FHIT: variants seen among roughly 807,000 people sequenced by gnomAD.
FHIT encodes fragile histidine triad diadenosine triphosphatase.
In FHIT, 19 loss-of-function variants were observed where a neutral mutation model predicts 17.9. That is an observed-to-expected ratio of 1.06 (90% CI 0.74 to 1.56). The LOEUF (loss-of-function observed/expected upper bound fraction) is 1.56. FHIT is among the 40% of genes most tolerant of loss of function. The probability of loss-of-function intolerance (pLI) is 0.00; values close to 1 mark genes in which losing one functional copy is unlikely to be tolerated. For synonymous variants in FHIT, 81 were observed against 69.7 expected (o/e 1.16, Z -0.81); for missense variants, 248 against 189.2 (o/e 1.31, Z -1.82).
At chr3:60,271,882 T>A (rs1254531198) in intron 5 of FHIT, among the ~76,000 whole-genome samples, 2 of 152,206 alleles carry the variant, frequency 1.3e-5, no homozygotes, top group African/African-American at 4.8e-5. Flanking sequence ...TGACCATAAT[T>A]GTTAACATTT....
intron 3 of FHIT, among the ~76,000 whole-genome samples, chr3:60,852,563 T>C (rs868947427): frequency 2.3e-4 from 35 of 152,266 alleles, no homozygotes; most frequent in African/African-American, 8.4e-4. Flanking sequence ...AAGTATGTAA[T>C]ATTTTTTCAT....
chr3:59,830,522 G>A (rs1008647588), intron 8 of FHIT, among the ~76,000 whole-genome samples: 1 of 152,204 alleles, frequency 6.6e-6, no homozygotes, highest in African/African-American at 2.4e-5. Flanking sequence ...GATTCCAAAA[G>A]CAATCAGAGG....
chr3:61,053,987 A>C (rs1559944525), intron 2 of FHIT, among the ~76,000 whole-genome samples: 1 of 152,220 alleles, frequency 6.6e-6, no homozygotes, highest in Non-Finnish European at 1.5e-5. Context: ...GGAAAGGAGC[A>C]GCTGATGACA....
chr3:60,287,125 T>C (rs1707763366), intron 5 of FHIT, among the ~76,000 whole-genome samples: 1 of 152,140 alleles, frequency 6.6e-6, no homozygotes, highest in Non-Finnish European at 1.5e-5. Flanking sequence ...TGCAACAATA[T>C]CATCTCCCTA....
At chr3:60,329,745 C>T (rs1014023877) in intron 5 of FHIT, among the ~76,000 whole-genome samples, 1 of 152,176 alleles carries the variant, frequency 6.6e-6, no homozygotes, top group Non-Finnish European at 1.5e-5. Context: ...CTTGCTCTTA[C>T]CTCTATTCTA....
At chr3:60,459,233 G>T (rs2032309140) in intron 5 of FHIT, among the ~76,000 whole-genome samples, 3 of 152,082 alleles carry the variant, frequency 2.0e-5, no homozygotes, top group African/African-American at 4.8e-5. Context: ...ATATTTTAAG[G>T]GTTGAGCCAG....
At chr3:60,860,195 T>A (rs1703603752) in intron 3 of FHIT, among the ~76,000 whole-genome samples, 2 of 111,750 alleles carry the variant, frequency 1.8e-5, no homozygotes, top group Admixed American at 1.8e-4. Flanking sequence ...ATGAGATACA[T>A]CATATGTATA....
intron 3 of FHIT, among the ~76,000 whole-genome samples, chr3:60,823,027 T>C (rs1553739834): frequency 6.6e-6 from 1 of 152,214 alleles, no homozygotes; most frequent in Non-Finnish European, 1.5e-5. Context: ...TACATCATGT[T>C]ACATGGTCAG....
chr3:61,007,514 A>G (rs543865069), intron 3 of FHIT, among the ~76,000 whole-genome samples: 1 of 152,324 alleles, frequency 6.6e-6, no homozygotes, highest in Admixed American at 6.5e-5. Context: ...AACCTAAAAA[A>G]TATAATATAT....
Position 61,245,528 on chromosome 3 carries a change from C to A in FHIT, c.-213+5773G>T, listed in dbSNP as rs78621592. 5.2e-3 allele frequency among the ~76,000 whole-genome samples: 798 copies of A among 152,296 alleles called. 10 individuals are homozygous for A. The highest frequency in any genetic ancestry group is 0.018 in the African/African-American group (742 of 41,548). ...TGTTAGAAATACTGACTCTCTGATCCTTTCCAGGTCTTTAATTTAATCAGA... is the reference window on the plus strand; with the variant it reads ...TGTTAGAAATACTGACTCTCTGATCATTTCCAGGTCTTTAATTTAATCAGA... On this transcript the variant is annotated intron_variant, in intron 1 of 9. Transcript: ENST00000492590.
intron 5 of FHIT, among the ~76,000 whole-genome samples, chr3:60,024,773 T>G (rs9843313): frequency 0.028 from 4,240 of 152,338 alleles, 199 homozygotes; most frequent in African/African-American, 0.096. Context: ...TTGGTCTAAC[T>G]GGATCTTCAG....
intron 4 of FHIT, among the ~76,000 whole-genome samples, chr3:60,649,581 T>C (rs2039943889): frequency 6.6e-6 from 1 of 152,194 alleles, no homozygotes; most frequent in East Asian, 1.9e-4. Flanking sequence ...ATGGACATGA[T>C]ACGTGGTAAA....
chr3:59,754,844 T>A (rs1701123808), intron 8 of FHIT, among the ~76,000 whole-genome samples: 2 of 152,162 alleles, frequency 1.3e-5, no homozygotes, highest in Admixed American at 1.3e-4. Flanking sequence ...TTATGAGATT[T>A]CCCTCCTAAA....
chr3:60,655,211 T>C (rs980254916), intron 4 of FHIT, among the ~76,000 whole-genome samples: 10 of 152,176 alleles, frequency 6.6e-5, no homozygotes, highest in African/African-American at 2.4e-4. Context: ...TGATTGCATT[T>C]AGGGAGCTCA....
At chr3:60,381,800 T>C (rs1377017431) in intron 5 of FHIT, among the ~76,000 whole-genome samples, 2 of 137,196 alleles carry the variant, frequency 1.5e-5, no homozygotes, top group Admixed American at 8.1e-5. Flanking sequence ...CTTAATAGTG[T>C]GATGATAATG....
intron 5 of FHIT, among the ~76,000 whole-genome samples, chr3:60,275,273 G>T (rs1365194461): frequency 6.6e-6 from 1 of 151,384 alleles, no homozygotes; most frequent in East Asian, 1.9e-4. Flanking sequence ...TACTTAGCAA[G>T]GTCATCAGCT....
At position 61,045,183 on chromosome 3, in the gene FHIT, C is replaced by T. The variant is rs966935558; in HGVS notation, c.-163-3084G>A. ...AAATGCTCCAATTAAAAGACACAGA[C>T]TGGCAAATTGGGTAAAGAGTCAAGA... On this transcript the variant is annotated intron_variant, in intron 2 of 9. Transcript: ENST00000492590. Among the ~76,000 whole-genome samples the T allele has an allele frequency of 9.2e-4, 140 of 152,294 alleles. 1 individual carries two copies. Among genetic ancestry groups the T allele is most frequent in the Non-Finnish European group, 2.5e-4 (17 of 68,016 alleles).
chr3:60,265,576 T>A (rs1318841608), intron 5 of FHIT, among the ~76,000 whole-genome samples: 1 of 151,900 alleles, frequency 6.6e-6, no homozygotes, highest in East Asian at 1.9e-4. Flanking sequence ...ATATATAAAT[T>A]AGACTTCATC....
intron 5 of FHIT, among the ~76,000 whole-genome samples, chr3:60,440,424 G>C (rs1231718745): frequency 6.6e-6 from 1 of 151,974 alleles, no homozygotes. Context: ...TGTCAAATAG[G>C]GCTCATACCA....
Sources: gnomAD v4.1 joint callset for allele counts (sites outside exome capture counted in the v4.1 genomes callset) on GRCh38, gnomAD v4.1.1 for gene constraint, MANE v1.5 for transcripts, NCBI Gene and HGNC (gene_info 2026-07-23, HGNC 2026-07-21) for gene names.